ASIC2: variants seen among roughly 807,000 people sequenced by gnomAD.
The protein encoded by ASIC2 is acid-sensing ion channel 2.
Under a neutral mutation model 57.3 loss-of-function variants are expected in ASIC2, and 25 were observed. The ratio of observed to expected loss-of-function variants is 0.44; its 90% confidence interval spans 0.32 to 0.61. The LOEUF (loss-of-function observed/expected upper bound fraction) is 0.61, where lower values mean the gene tolerates loss of function less well. Among genes scored for constraint, ASIC2 ranks in the 20% least tolerant of loss-of-function variants. The pLI, the probability that ASIC2 is intolerant of heterozygous loss-of-function variation, is 0.06. For synonymous variants in ASIC2, 319 were observed against 307.5 expected (o/e 1.04, Z -0.39); for missense variants, 641 against 738.1 (o/e 0.87, Z 1.52).
At chr17:33,921,027 C>T (rs1915699348) in intron 1 of ASIC2, among the ~76,000 whole-genome samples, 1 of 152,180 alleles carries the variant, frequency 6.6e-6, no homozygotes, top group Non-Finnish European at 1.5e-5. Flanking sequence ...ATAGTAGTGC[C>T]TTATTTAATG....
intron 1 of ASIC2, among the ~76,000 whole-genome samples, chr17:33,251,743 G>GGCCT (rs1373370071): frequency 6.6e-6 from 1 of 152,100 alleles, no homozygotes; most frequent in African/African-American, 2.4e-5. Context: ...AGGTTAAAGT[G>GGCCT]GCCTACTCAA....
intron 1 of ASIC2, among the ~76,000 whole-genome samples, chr17:33,726,078 G>T (rs1909551054): frequency 6.6e-6 from 1 of 152,160 alleles, no homozygotes; most frequent in African/African-American, 2.4e-5. Flanking sequence ...GACTGGCCCT[G>T]GACAGAAGGT....
At chr17:33,418,429 G>A (rs1381721746) in intron 1 of ASIC2, among the ~76,000 whole-genome samples, 21 of 152,098 alleles carry the variant, frequency 1.4e-4, no homozygotes, top group Admixed American at 3.3e-4. Context: ...TGTTTTAGTC[G>A]TGAAGTCTTT....
intron 1 of ASIC2, among the ~76,000 whole-genome samples, chr17:34,110,679 A>T (rs1336322092): frequency 6.6e-6 from 1 of 152,202 alleles, no homozygotes; most frequent in Admixed American, 6.5e-5. Flanking sequence ...AGGCTTTGCA[A>T]TGTCTACCAA....
chr17:33,770,820 C>A (rs1298015164), intron 1 of ASIC2, among the ~76,000 whole-genome samples: 2 of 152,176 alleles, frequency 1.3e-5, no homozygotes, highest in African/African-American at 4.8e-5. Flanking sequence ...GGGACTGTAG[C>A]AGAACTTGTC....
intron 1 of ASIC2, among the ~76,000 whole-genome samples, chr17:33,417,718 C>A (rs538630230): frequency 6.6e-6 from 1 of 152,306 alleles, no homozygotes; most frequent in Admixed American, 6.5e-5. Flanking sequence ...TCTGCACATT[C>A]CCCTCCTAAC....
chr17:33,860,459 C>T (rs868827012), intron 1 of ASIC2, among the ~76,000 whole-genome samples: 1 of 152,298 alleles, frequency 6.6e-6, no homozygotes, highest in Middle Eastern at 3.4e-3. Context: ...GAATGAAGTG[C>T]TGGAATTATT....
chr17:33,179,295 C>T (rs374354418), intron 1 of ASIC2, among the ~76,000 whole-genome samples: 8 of 152,100 alleles, frequency 5.3e-5, no homozygotes, highest in African/African-American at 1.2e-4. Context: ...AGTTAGAGGA[C>T]GTTTTGCAAC....
chr17:33,526,040 C>T (rs1407321520), intron 1 of ASIC2, among the ~76,000 whole-genome samples: 1 of 152,160 alleles, frequency 6.6e-6, no homozygotes, highest in Non-Finnish European at 1.5e-5. Context: ...TTCTGCGAGC[C>T]TTCACCTAGA....
intron 1 of ASIC2, among the ~76,000 whole-genome samples, chr17:33,820,454 G>T (rs1354651284): frequency 6.6e-6 from 1 of 152,248 alleles, no homozygotes; most frequent in South Asian, 2.1e-4. Flanking sequence ...GATATATTGG[G>T]TTAAATAAAA....
chr17:33,929,135 AC>A (rs1460900374), intron 1 of ASIC2, among the ~76,000 whole-genome samples: 1 of 151,422 alleles, frequency 6.6e-6, no homozygotes, highest in African/African-American at 2.4e-5. Context: ...CTCCCCTCAG[AC>A]CCCCCATTGG....
At chr17:33,183,404 C>T (rs962084774) in intron 1 of ASIC2, among the ~76,000 whole-genome samples, 6 of 152,080 alleles carry the variant, frequency 3.9e-5, no homozygotes, top group African/African-American at 1.4e-4. Context: ...AGAATGCAAG[C>T]GTGTATCATA....
chr17:33,199,256 A>C (rs1286850615), intron 1 of ASIC2, among the ~76,000 whole-genome samples: 9 of 152,334 alleles, frequency 5.9e-5, no homozygotes, highest in African/African-American at 2.2e-4. Context: ...TTGATTTGAA[A>C]GGCAATATTT....
At chr17:33,816,810 A>G (rs951605108) in intron 1 of ASIC2, 1 of 152,242 alleles carries the variant, frequency 6.6e-6, no homozygotes, top group Non-Finnish European at 1.5e-5. Flanking sequence ...GCCAGTAAGC[A>G]TATTAATGGG....
At chr17:33,249,504 G>C (rs114647662) in intron 1 of ASIC2, among the ~76,000 whole-genome samples, 2,873 of 152,306 alleles carry the variant, frequency 0.019, 106 homozygotes, top group African/African-American at 0.066. Flanking sequence ...TAGGAGGTTG[G>C]GGAGAAGAGG....
chr17:33,082,086 C>T (rs888375579), intron 3 of ASIC2, among the ~76,000 whole-genome samples: 7 of 151,992 alleles, frequency 4.6e-5, no homozygotes, highest in African/African-American at 1.7e-4. Flanking sequence ...TGGTTTCCAG[C>T]TGGTAGTGAA....
At chr17:33,432,314 G>A (rs1240786836) in intron 1 of ASIC2, among the ~76,000 whole-genome samples, 2 of 152,144 alleles carry the variant, frequency 1.3e-5, no homozygotes, top group South Asian at 2.1e-4. Context: ...TCAGGATTTC[G>A]AGACCAGCCT....
At chr17:33,785,553 C>T (rs1911577858) in intron 1 of ASIC2, among the ~76,000 whole-genome samples, 1 of 152,182 alleles carries the variant, frequency 6.6e-6, no homozygotes, top group South Asian at 2.1e-4. Context: ...AGCCAATGCC[C>T]TTACTCCTAA....
At chr17:33,579,804 A>C (rs946287710) in intron 1 of ASIC2, among the ~76,000 whole-genome samples, 3 of 151,712 alleles carry the variant, frequency 2.0e-5, no homozygotes, top group African/African-American at 7.3e-5. Context: ...CGTGAAAAAC[A>C]CCCCTTGGAT....
Sources: allele counts gnomAD v4.1 joint callset (sites outside exome capture counted in the v4.1 genomes callset), GRCh38; gene constraint gnomAD v4.1.1; transcripts MANE v1.5; gene names NCBI Gene and HGNC (gene_info 2026-07-23, HGNC 2026-07-21).